IQGAP2: variants seen among roughly 807,000 people sequenced by gnomAD.
IQGAP2 encodes IQ motif containing GTPase activating protein 2, also known as ras GTPase-activating-like protein IQGAP2.
A neutral mutation model predicts 201.3 loss-of-function variants in IQGAP2; 173 were observed. That is an observed-to-expected ratio of 0.86 (90% CI 0.76 to 0.98). The LOEUF (loss-of-function observed/expected upper bound fraction) is 0.98, where lower values mean the gene tolerates loss of function less well. Among genes scored for constraint, IQGAP2 ranks in the 50% least tolerant of loss-of-function variants. The pLI is 0.00. For synonymous variants in IQGAP2, 675 were observed against 673.9 expected (o/e 1.00, Z -0.03); for missense variants, 1,687 against 1,864.8 (o/e 0.90, Z 1.76).
At chr5:76,574,281 T>C (rs918918569) in intron 4 of IQGAP2, among the ~76,000 whole-genome samples, 2 of 152,196 alleles carry the variant, frequency 1.3e-5, no homozygotes, top group African/African-American at 4.8e-5. Context: ...CTCTGAAATC[T>C]GTTTCTTTTG....
chr5:76,540,542 A>G (rs2150219133), intron 2 of IQGAP2, among the ~76,000 whole-genome samples: 1 of 152,336 alleles, frequency 6.6e-6, no homozygotes, highest in South Asian at 2.1e-4. Context: ...GAAGCCAACA[A>G]CGGACTGGAA....
At position 76,533,352 on chromosome 5, in the gene IQGAP2, C is replaced by T. The variant is rs147214863; in HGVS notation, c.147-29044C>T. ...GACGGGGTCTCAGGTACATGCCACA[C>T]GCTTGCCAACACTTTACAAAATTGA... On this transcript the variant is annotated intron_variant, in intron 2 of 35. Coordinates refer to ENST00000274364, the MANE Select transcript of IQGAP2 (RefSeq NM_006633.5). 8.2e-4 allele frequency among the ~76,000 whole-genome samples: 125 copies of T among 152,226 alleles called. 2 individuals are homozygous for T. In the East Asian group the frequency reaches 0.022, roughly 27 times the overall value.
At chr5:76,582,021 A>G (rs1028556155) in intron 5 of IQGAP2, among the ~76,000 whole-genome samples, 1 of 152,272 alleles carries the variant, frequency 6.6e-6, no homozygotes, top group Non-Finnish European at 1.5e-5. Flanking sequence ...CTGGCACTGC[A>G]CAAAATACTG....
chr5:76,512,511 T>C (rs1208177227), intron 2 of IQGAP2, among the ~76,000 whole-genome samples: 3 of 152,318 alleles, frequency 2.0e-5, no homozygotes, highest in African/African-American at 7.2e-5. Flanking sequence ...AACTTGGGCT[T>C]ATTGGTGTCA....
At chr5:76,471,708 TAAAA>T (rs11317899) in intron 2 of IQGAP2, among the ~76,000 whole-genome samples, 46 of 150,788 alleles carry the variant, frequency 3.1e-4, no homozygotes, top group African/African-American at 1.0e-3. Context: ...ATGATTAGTT[TAAAA>T]AAAAAAAGAG....
intron 8 of IQGAP2, among the ~76,000 whole-genome samples, chr5:76,591,883 T>G (rs1746681656): frequency 6.6e-6 from 1 of 152,190 alleles, no homozygotes; most frequent in Admixed American, 6.5e-5. Flanking sequence ...GAGTTCCCCT[T>G]GCTGACTTCC....
chr5:76,491,797 T>C (rs554292744), intron 2 of IQGAP2, among the ~76,000 whole-genome samples: 1 of 152,330 alleles, frequency 6.6e-6, no homozygotes, highest in South Asian at 2.1e-4. Context: ...CTAATTTATA[T>C]GTCTCGGAAC....
chr5:76,541,038 G>A (rs1041879062), intron 2 of IQGAP2, among the ~76,000 whole-genome samples: 4 of 152,082 alleles, frequency 2.6e-5, no homozygotes, highest in Non-Finnish European at 4.4e-5. Context: ...TATATATAAT[G>A]TAAAATTTAC....
intron 2 of IQGAP2, among the ~76,000 whole-genome samples, chr5:76,469,789 C>G (rs1437946082): frequency 2.6e-5 from 4 of 151,886 alleles, no homozygotes; most frequent in African/African-American, 9.7e-5. Flanking sequence ...TGGCTCTTCA[C>G]CCAAATTACT....
At chr5:76,603,555 G>A (rs1212402579) in intron 11 of IQGAP2, among the ~76,000 whole-genome samples, 2 of 152,156 alleles carry the variant, frequency 1.3e-5, no homozygotes, top group Non-Finnish European at 2.9e-5. Flanking sequence ...TCCACTTCTT[G>A]CTTTGAACCC....
chr5:76,559,351 C>G (rs1453474566), intron 2 of IQGAP2, among the ~76,000 whole-genome samples: 1 of 152,206 alleles, frequency 6.6e-6, no homozygotes, highest in Admixed American at 6.5e-5. Context: ...AGGAGTCGGT[C>G]TCTGAGGCGT....
intron 6 of IQGAP2, 50 bp from the exon 7 acceptor site, chr5:76,589,565 T>C: frequency 2.9e-6 from 3 of 1,021,222 alleles, no homozygotes; most frequent in Non-Finnish European, 4.4e-6. Context: ...CATCCATCTC[T>C]GTCTGTAGCT....
intron 1 of IQGAP2, among the ~76,000 whole-genome samples, chr5:76,459,748 C>T (rs961340296): frequency 3.9e-5 from 6 of 152,144 alleles, no homozygotes; most frequent in Non-Finnish European, 8.8e-5. Flanking sequence ...AAGCGATTCT[C>T]CTGCCTGAGC....
At chr5:76,524,766 A>G (rs1758873153) in intron 2 of IQGAP2, among the ~76,000 whole-genome samples, 1 of 152,230 alleles carries the variant, frequency 6.6e-6, no homozygotes, top group South Asian at 2.1e-4. Flanking sequence ...GATTCCTCTG[A>G]AAAGAAAGTT....
intron 2 of IQGAP2, among the ~76,000 whole-genome samples, chr5:76,533,507 T>G (rs1435018132): frequency 2.0e-5 from 3 of 151,190 alleles, no homozygotes; most frequent in African/African-American, 4.9e-5. Context: ...AATTTCCTGT[T>G]AAAGTCCTTT....
At chr5:76,448,888 G>A (rs1237853280) in intron 1 of IQGAP2, among the ~76,000 whole-genome samples, 1 of 152,140 alleles carries the variant, frequency 6.6e-6, no homozygotes, top group Non-Finnish European at 1.5e-5. Context: ...GCAGGTATGT[G>A]TATTATTAGG....
intron 5 of IQGAP2, among the ~76,000 whole-genome samples, chr5:76,585,981 T>A (rs1409446611): frequency 6.6e-6 from 1 of 152,196 alleles, no homozygotes; most frequent in Non-Finnish European, 1.5e-5. Context: ...AGCACCCTTT[T>A]AACTGGAATT....
chr5:76,571,895 G>A (rs1219111878), intron 4 of IQGAP2, among the ~76,000 whole-genome samples: 1 of 152,074 alleles, frequency 6.6e-6, no homozygotes, highest in African/African-American at 2.4e-5. Flanking sequence ...ATTTATTTGT[G>A]TAAGTGGGCA....
At chr5:76,662,805 G>A (rs1001771654) in intron 21 of IQGAP2, among the ~76,000 whole-genome samples, 1 of 152,136 alleles carries the variant, frequency 6.6e-6, no homozygotes, top group Admixed American at 6.5e-5. Context: ...TTATATATTG[G>A]TAAAACAAGG....
Sources: gnomAD v4.1 joint callset for allele counts (sites outside exome capture counted in the v4.1 genomes callset) on GRCh38, gnomAD v4.1.1 for gene constraint, MANE v1.5 for transcripts, NCBI Gene and HGNC (gene_info 2026-07-23, HGNC 2026-07-21) for gene names.